ATAD5: variants seen among roughly 807,000 people sequenced by gnomAD.
ATAD5 encodes ATPase family AAA domain containing 5, also known as ATPase family AAA domain-containing protein 5.
A neutral mutation model predicts 176.9 loss-of-function variants in ATAD5; 58 were observed. That is an observed-to-expected ratio of 0.33 (90% confidence interval 0.27 to 0.41). ATAD5 has a LOEUF of 0.41. ATAD5 is among the 10% of genes least tolerant of loss of function. The pLI is 1.00. For synonymous variants in ATAD5, 640 were observed against 712.6 expected (o/e 0.90, Z 1.62); for missense variants, 1,789 against 2,094.1 (o/e 0.85, Z 2.84).
At chr17:30,879,858 G>A (rs978541895) in intron 18 of ATAD5, among the ~76,000 whole-genome samples, 21 of 150,502 alleles carry the variant, frequency 1.4e-4, no homozygotes, top group Non-Finnish European at 2.4e-4. Context: ...CACTGCGCCC[G>A]GTCCAATACA....
At chr17:30,850,833 T>TATATATATATATATATA (rs1906849991) in intron 6 of ATAD5, among the ~76,000 whole-genome samples, 6 of 27,832 alleles carry the variant, frequency 2.2e-4, no homozygotes, top group Non-Finnish European at 2.4e-4. Flanking sequence ...TTATATATTT[T>TATATATATATATATATA]TATATATATA....
chr17:30,865,977 T>C (rs553734353), intron 11 of ATAD5, among the ~76,000 whole-genome samples, 177 bp downstream of exon 11: 2 of 152,206 alleles, frequency 1.3e-5, no homozygotes, highest in East Asian at 1.9e-4. Context: ...GAGATAATCA[T>C]TGAAAATTTT....
chr17:30,856,815 T>G (rs1485818708), intron 7 of ATAD5, 140 bp from the exon 8 acceptor site: 2 of 665,904 alleles, frequency 3.0e-6, no homozygotes, highest in African/African-American at 3.8e-5. Flanking sequence ...TAGGATTTTG[T>G]TCCCTTTATA....
At chr17:30,846,837 C>T (rs1045802551) in intron 6 of ATAD5, among the ~76,000 whole-genome samples, 17 of 151,812 alleles carry the variant, frequency 1.1e-4, no homozygotes, top group Admixed American at 2.0e-4. Context: ...TCTTCTGCCT[C>T]AGCTTCCCGA....
rs1908777213 is a variant in ATAD5, at chr17:30,878,060, G to A, written c.3976G>A (p.Ala1326Thr). The A allele has an allele frequency of 6.2e-7, 1 of 1,611,316 alleles. No individual in the cohort carries two copies. ...GFLNAIKTFM[A>T]TTKRPVILTT... is the part of the protein sequence containing the mutation. ...TTTGAATGCAATCAAAACATTCATG[G>A]CAACAACTAAACGACCTGTAATCCT... Residue 1326 changes from alanine (A) to threonine (T), a missense_variant, in exon 17 of 23, where the codon GCA (alanine) becomes ACA (threonine). Transcript: ENST00000321990.
chr17:30,850,833 T>TATATTTATATATATA, intron 6 of ATAD5, among the ~76,000 whole-genome samples: 1 of 27,840 alleles, frequency 3.6e-5, no homozygotes, highest in South Asian at 1.1e-3. Flanking sequence ...TTATATATTT[T>TATATTTATATATATA]TATATATATA....
At chr17:30,859,559 C>G (rs1009503056) in intron 9 of ATAD5, among the ~76,000 whole-genome samples, 1 of 151,580 alleles carries the variant, frequency 6.6e-6, no homozygotes, top group Non-Finnish European at 1.5e-5. Flanking sequence ...TGGGGTTTCA[C>G]CATGTTGGTC....
intron 18 of ATAD5, among the ~76,000 whole-genome samples, chr17:30,884,678 C>T (rs1025495162): frequency 7.9e-5 from 12 of 151,352 alleles, no homozygotes; most frequent in Non-Finnish European, 1.6e-4. Flanking sequence ...ATCTGCCCGC[C>T]TCGGCCTCCC....
intron 6 of ATAD5, 139 bp from the exon 7 acceptor site, chr17:30,855,004 C>T: frequency 1.3e-6 from 1 of 741,448 alleles, no homozygotes. Context: ...AGTGATCCGC[C>T]CACCTCTGCC....
intron 11 of ATAD5, among the ~76,000 whole-genome samples, chr17:30,867,094 T>G (rs1186626123): frequency 2.1e-5 from 2 of 94,998 alleles, no homozygotes; most frequent in Non-Finnish European, 4.2e-5. Context: ...TTAATTCATT[T>G]TATCCTTAGA....
At chr17:30,871,833 T>C (rs995264074) in intron 14 of ATAD5, among the ~76,000 whole-genome samples, 9 of 152,176 alleles carry the variant, frequency 5.9e-5, no homozygotes, top group African/African-American at 2.2e-4. Context: ...TCTAAATTTA[T>C]CAATCCTGCA....
rs1325865920 is a variant in ATAD5 at position 30,895,751 on chromosome 17, A to ATG, written c.*842_*843dup. 5 of 152,068 alleles carry ATG rather than the reference A, an allele frequency of 3.3e-5. No individual in the cohort carries two copies. Among genetic ancestry groups the ATG allele is most frequent in the Non-Finnish European group, 7.4e-5 (5 of 68,006 alleles). 9.4% of individuals were successfully genotyped at this position (152,068 alleles called of 1,614,324 possible). ...AGTATAGATGCATACCTGTTTACAA[A>ATG]TGTGTATGAAGATAGATATTTTTAC... On this transcript the variant is annotated 3_prime_UTR_variant, in exon 23 of 23. Transcript: ENST00000321990.
chr17:30,834,069 C>A, intron 1 of ATAD5, 79 bp from the exon 2 acceptor site: 1 of 1,207,060 alleles, frequency 8.3e-7, no homozygotes, highest in Non-Finnish European at 1.1e-6. Context: ...ATTATGTAAA[C>A]TATTAGATCC....
intron 11 of ATAD5, 148 bp downstream of exon 11, chr17:30,865,948 C>G (rs909470181): frequency 4.0e-6 from 2 of 499,774 alleles, no homozygotes; most frequent in Non-Finnish European, 6.8e-6. Context: ...GCCCTCTTTT[C>G]TTACATTTCT....
intron 6 of ATAD5, among the ~76,000 whole-genome samples, chr17:30,850,862 TATATATA>T (rs1396521342): frequency 2.6e-4 from 9 of 34,344 alleles, no homozygotes; most frequent in Non-Finnish European, 4.7e-4. Flanking sequence ...TATATATATA[TATATATA>T]TTTTTTTTTT....
chr17:30,859,163 A>G (rs1907465028), intron 9 of ATAD5, among the ~76,000 whole-genome samples: 1 of 152,224 alleles, frequency 6.6e-6, no homozygotes, highest in South Asian at 2.1e-4. Context: ...TGTACAATGC[A>G]ATGTGCAACA....
At chr17:30,833,426 G>A (rs1905499539) in intron 1 of ATAD5, among the ~76,000 whole-genome samples, 1 of 152,040 alleles carries the variant, frequency 6.6e-6, no homozygotes, top group Admixed American at 6.5e-5. Context: ...ACATTATTTT[G>A]CTTAATAGCA....
At chr17:30,857,627 A>G (rs1212610823) in intron 8 of ATAD5, among the ~76,000 whole-genome samples, 1 of 152,230 alleles carries the variant, frequency 6.6e-6, no homozygotes, top group African/African-American at 2.4e-5. Context: ...ATGTTAGATT[A>G]CATAGCACAT....
chr17:30,855,005 C>T, intron 6 of ATAD5, 138 bp from the exon 7 acceptor site: 2 of 744,220 alleles, frequency 2.7e-6, no homozygotes, highest in African/African-American at 1.8e-5. Context: ...GTGATCCGCC[C>T]ACCTCTGCCT....
Sources: allele counts gnomAD v4.1 joint callset (sites outside exome capture counted in the v4.1 genomes callset), GRCh38; gene constraint gnomAD v4.1.1; transcripts MANE v1.5; gene names NCBI Gene and HGNC (gene_info 2026-07-23, HGNC 2026-07-21).